LRP1B: variants seen among roughly 807,000 people sequenced by gnomAD.
LRP1B encodes the protein LDL receptor related protein 1B, also known as low-density lipoprotein receptor-related protein 1B.
LRP1B carries 217 observed loss-of-function variants against 556.6 expected under a neutral mutation model. The ratio of observed to expected loss-of-function variants is 0.39; its 90% confidence interval spans 0.35 to 0.44. The LOEUF is 0.44. Ranked by LOEUF, LRP1B falls within the 20% of genes least tolerant of loss-of-function variation. The probability of loss-of-function intolerance (pLI) is 1.00; values close to 1 mark genes in which losing one functional copy is unlikely to be tolerated. For synonymous variants in LRP1B, 2,047 were observed against 1,865.8 expected, an observed-to-expected ratio of 1.10 and a Z score of -2.50; for missense variants, 5,053 against 5,620.8, an observed-to-expected ratio of 0.90 and a Z score of 3.23.
intron 2 of LRP1B, among the ~76,000 whole-genome samples, chr2:141,612,474 G>A (rs887346991): frequency 6.6e-6 from 1 of 152,158 alleles, no homozygotes; most frequent in Non-Finnish European, 1.5e-5. Context: ...CAAGCTGAAG[G>A]CAGAGAGCTG....
intron 18 of LRP1B, among the ~76,000 whole-genome samples, chr2:140,963,760 C>G (rs899167587): frequency 6.6e-6 from 1 of 152,094 alleles, no homozygotes; most frequent in Non-Finnish European, 1.5e-5. Flanking sequence ...AGTTCAAGAC[C>G]AGTCTGGCCA....
intron 2 of LRP1B, among the ~76,000 whole-genome samples, chr2:141,742,337 C>A (rs927785068): frequency 1.3e-5 from 2 of 151,162 alleles, no homozygotes; most frequent in African/African-American, 4.9e-5. Flanking sequence ...CTGACACGGC[C>A]GCCTCCCAGG....
chr2:141,118,220 C>T (rs1489307752), intron 7 of LRP1B, among the ~76,000 whole-genome samples: 1 of 151,628 alleles, frequency 6.6e-6, no homozygotes, highest in Non-Finnish European at 1.5e-5. Context: ...GAAATGGCTG[C>T]CAATTATTTT....
intron 1 of LRP1B, among the ~76,000 whole-genome samples, chr2:142,037,077 C>T (rs1305068310): frequency 6.6e-6 from 1 of 151,602 alleles, no homozygotes; most frequent in Admixed American, 6.6e-5. Flanking sequence ...GGGCATCAGA[C>T]CTTTTCTTTA....
intron 41 of LRP1B, among the ~76,000 whole-genome samples, chr2:140,603,817 A>T (rs1208146655): frequency 6.6e-6 from 1 of 152,132 alleles, no homozygotes; most frequent in African/African-American, 2.4e-5. Flanking sequence ...CTTTCTAAAA[A>T]TGATGTTTAG....
At chr2:140,418,893 G>T (rs1231684870) in intron 66 of LRP1B, among the ~76,000 whole-genome samples, 2 of 151,902 alleles carry the variant, frequency 1.3e-5, no homozygotes, top group East Asian at 1.9e-4. Flanking sequence ...GTGCCGAAAA[G>T]GTTGAAGGCT....
chr2:142,051,186 G>A (rs1372385781), intron 1 of LRP1B, among the ~76,000 whole-genome samples: 1 of 152,034 alleles, frequency 6.6e-6, no homozygotes, highest in Admixed American at 6.6e-5. Flanking sequence ...TTTCTAACAG[G>A]CACATTGTTG....
intron 77 of LRP1B, among the ~76,000 whole-genome samples, chr2:140,347,534 G>C (rs1413488171): frequency 6.7e-6 from 1 of 150,094 alleles, no homozygotes; most frequent in Admixed American, 6.7e-5. Flanking sequence ...TTAACATTTA[G>C]TTGTCTGAAT....
chr2:141,219,786 G>A (rs906705043), intron 6 of LRP1B, among the ~76,000 whole-genome samples: 3 of 152,132 alleles, frequency 2.0e-5, no homozygotes, highest in Non-Finnish European at 4.4e-5. Flanking sequence ...CTAGTTGCAG[G>A]AGGGACCCAG....
chr2:141,583,906 A>ATT (rs113916906), intron 2 of LRP1B, among the ~76,000 whole-genome samples: 84 of 145,512 alleles, frequency 5.8e-4, no homozygotes, highest in Non-Finnish European at 7.7e-4. Context: ...TGCCCGGCTA[A>ATT]TTTTTTTTTT....
Position 141,181,392 on chromosome 2 carries a change from C to T in LRP1B, c.1013+7029G>A, listed in dbSNP as rs114085494. Among the ~76,000 whole-genome samples the T allele has an allele frequency of 2.3e-3, 343 of 151,940 alleles. 2 individuals are homozygous for T. The highest frequency in any genetic ancestry group is 7.5e-3 in the African/African-American group (311 of 41,502). ...TGTAGTTGTTTTTCTGTTACTTTAC[C>T]TATTTGAGTGGACAGCATTAACTAG... On this transcript the variant is annotated intron_variant, in intron 7 of 90. Transcript: ENST00000389484.
intron 49 of LRP1B, among the ~76,000 whole-genome samples, chr2:140,522,614 A>G (rs1690230610): frequency 6.6e-6 from 1 of 151,870 alleles, no homozygotes; most frequent in Admixed American, 6.6e-5. Flanking sequence ...TACAAGGATC[A>G]ATGAAATAAA....
At chr2:141,007,801 G>A (rs1041146809) in intron 14 of LRP1B, among the ~76,000 whole-genome samples, 1 of 151,738 alleles carries the variant, frequency 6.6e-6, no homozygotes, top group African/African-American at 2.4e-5. Flanking sequence ...TCAGTGGTAT[G>A]CCTCATACCA....
intron 2 of LRP1B, among the ~76,000 whole-genome samples, chr2:141,718,123 T>C (rs1388701523): frequency 6.6e-6 from 1 of 152,178 alleles, no homozygotes; most frequent in Non-Finnish European, 1.5e-5. Flanking sequence ...GAGGCAGGGC[T>C]TGCCAGAGGA....
At chr2:141,258,713 C>T (rs1684575493) in intron 3 of LRP1B, among the ~76,000 whole-genome samples, 1 of 152,086 alleles carries the variant, frequency 6.6e-6, no homozygotes, top group African/African-American at 2.4e-5. Context: ...TCTTGCTGTT[C>T]TCATGATAAT....
intron 35 of LRP1B, among the ~76,000 whole-genome samples, chr2:140,753,066 T>C (rs902624171): frequency 3.3e-5 from 5 of 152,164 alleles, no homozygotes; most frequent in East Asian, 1.9e-4. Context: ...TGGCAAACCA[T>C]TGATCTTTTT....
intron 27 of LRP1B, among the ~76,000 whole-genome samples, chr2:140,866,074 A>C (rs73964726): frequency 0.017 from 2,614 of 152,254 alleles, 66 homozygotes; most frequent in African/African-American, 0.059. Context: ...CAATACATAG[A>C]TGAAGGCCAT....
intron 79 of LRP1B, among the ~76,000 whole-genome samples, chr2:140,328,483 AAAAAG>A (rs988428065): frequency 1.9e-4 from 29 of 151,482 alleles, no homozygotes; most frequent in African/African-American, 6.3e-4. Context: ...AAAGAAAAAA[AAAAAG>A]AAAATGAAGA....
intron 41 of LRP1B, among the ~76,000 whole-genome samples, chr2:140,655,032 G>GTATATATATATATATAAATATATATATA (rs145869246): frequency 6.8e-6 from 1 of 147,094 alleles, no homozygotes; most frequent in Admixed American, 6.9e-5. Flanking sequence ...GTATATGTAT[G>GTATATATATATATATAAATATATATATA]TATATATATA....
Sources: allele counts gnomAD v4.1 joint callset (sites outside exome capture counted in the v4.1 genomes callset), GRCh38; gene constraint gnomAD v4.1.1; transcripts MANE v1.5; gene names NCBI Gene and HGNC (gene_info 2026-07-23, HGNC 2026-07-21).